The following GRIN2A variants were observed in gnomAD, a reference collection of about 807,000 sequenced individuals.
GRIN2A encodes glutamate receptor ionotropic, NMDA 2A.
Under a neutral mutation model 113.4 loss-of-function variants are expected in GRIN2A, and 22 were observed. The observed-to-expected ratio is 0.19, with a 90% CI of 0.14 to 0.28. GRIN2A has a LOEUF of 0.28. Ranked by LOEUF, GRIN2A falls within the 10% of genes least tolerant of loss-of-function variation. The pLI is 1.00. For missense variants in GRIN2A, 1,502 were observed against 1,887.0 expected, an observed-to-expected ratio of 0.80 and a Z score of 3.78; for synonymous variants, 827 against 738.4, an observed-to-expected ratio of 1.12 and a Z score of -1.94.
intron 2 of GRIN2A, among the ~76,000 whole-genome samples, chr16:10,054,380 T>C (rs2047410395): frequency 6.6e-6 from 1 of 152,192 alleles, no homozygotes. Context: ...TAAGCAAAAA[T>C]GAACAGGACT....
At chr16:10,015,908 T>C (rs1400414423) in intron 2 of GRIN2A, among the ~76,000 whole-genome samples, 2 of 151,832 alleles carry the variant, frequency 1.3e-5, no homozygotes, top group African/African-American at 4.8e-5. Context: ...GGTGGGAGGA[T>C]CACCTGAGGT....
At chr16:9,875,555 T>C (rs13337070) in intron 4 of GRIN2A, among the ~76,000 whole-genome samples, 52,284 of 151,936 alleles carry the variant, frequency 0.34, 10,142 homozygotes, top group African/African-American at 0.54. Context: ...GGACAGATGT[T>C]ATTCCTGTCT....
At chr16:9,960,537 C>T (rs547660846) in intron 2 of GRIN2A, among the ~76,000 whole-genome samples, 5 of 152,294 alleles carry the variant, frequency 3.3e-5, no homozygotes, top group Non-Finnish European at 7.4e-5. Flanking sequence ...GTAGGGAGAG[C>T]ATATGCTGTG....
At chr16:10,138,445 G>A (rs1249000258) in intron 2 of GRIN2A, among the ~76,000 whole-genome samples, 5 of 152,188 alleles carry the variant, frequency 3.3e-5, no homozygotes, top group African/African-American at 1.2e-4. Flanking sequence ...ACAGCGGAAG[G>A]ATGGGGATGG....
intron 2 of GRIN2A, among the ~76,000 whole-genome samples, chr16:9,944,428 C>T (rs564467035): frequency 2.4e-4 from 36 of 152,286 alleles, no homozygotes; most frequent in South Asian, 2.1e-3. Flanking sequence ...CTCCCTCCCC[C>T]TTCCTCTGTC....
rs116482852 is a variant in GRIN2A, at chr16:10,086,559, A to G, written c.414+93439T>C. ...CTCAGAAGCTGCTGTAAAATTACAG[A>G]GGAGCCCCAGGAGAAGCTGCACCAT... On this transcript the variant is annotated intron_variant, in intron 2 of 12. Coordinates refer to ENST00000330684, the MANE Select transcript of GRIN2A (RefSeq NM_001134407.3). Among the ~76,000 whole-genome samples the G allele has an allele frequency of 4.5e-3, 657 of 147,292 alleles. 2 individuals carry two copies. The highest frequency in any genetic ancestry group is 0.014 in the African/African-American group (560 of 40,172).
chr16:9,985,600 G>C (rs1388794679), intron 2 of GRIN2A, among the ~76,000 whole-genome samples: 1 of 151,788 alleles, frequency 6.6e-6, no homozygotes, highest in African/African-American at 2.4e-5. Context: ...AGAAAGCCAA[G>C]CTTCATATTC....
At chr16:9,808,716 G>T (rs1167437765) in intron 10 of GRIN2A, among the ~76,000 whole-genome samples, 1 of 152,086 alleles carries the variant, frequency 6.6e-6, no homozygotes, top group Non-Finnish European at 1.5e-5. Flanking sequence ...GCACCAAGAG[G>T]CCACTCAGAA....
At chr16:10,112,695 G>A in intron 2 of GRIN2A, 1 of 750,386 alleles carries the variant, frequency 1.3e-6, no homozygotes, top group Non-Finnish European at 2.5e-6. Context: ...GGTGAATATT[G>A]TGCAGGGTGT....
In GRIN2A at chr16:9,972,802, C is replaced by G. The variant is rs540517085; in HGVS notation, c.415-34251G>C. Among the ~76,000 whole-genome samples, 13 of 152,196 alleles carry G rather than the reference C, an allele frequency of 8.5e-5. No homozygotes were observed. The South Asian group carries it at 2.7e-3, about 32-fold the overall frequency. On this transcript the variant is annotated intron_variant, in intron 2 of 12. Transcript: ENST00000330684. ...CACCTTGCCACTGTCTAGACAGAGC[C>G]GATTTATCAAGACAGGGGAATTGCA... is the stretch of plus-strand genomic sequence containing the variant.
At chr16:10,020,831 C>A (rs140156684) in intron 2 of GRIN2A, among the ~76,000 whole-genome samples, 1 of 152,230 alleles carries the variant, frequency 6.6e-6, no homozygotes, top group East Asian at 1.9e-4. Flanking sequence ...TACTCCCCTG[C>A]CAGGTTTAGC....
chr16:9,770,379 G>T (rs1264315605), intron 11 of GRIN2A, among the ~76,000 whole-genome samples: 2 of 151,988 alleles, frequency 1.3e-5, no homozygotes, highest in Non-Finnish European at 2.9e-5. Context: ...ATTTAATATT[G>T]GTCTTTTTTT....
chr16:10,134,310 C>T (rs2049142496), intron 2 of GRIN2A, among the ~76,000 whole-genome samples: 1 of 152,120 alleles, frequency 6.6e-6, no homozygotes, highest in African/African-American at 2.4e-5. Flanking sequence ...AGGCTCTACC[C>T]TCTGAGTAAC....
At chr16:10,080,628 T>C (rs2047960690) in intron 2 of GRIN2A, among the ~76,000 whole-genome samples, 1 of 152,152 alleles carries the variant, frequency 6.6e-6, no homozygotes, top group African/African-American at 2.4e-5. Flanking sequence ...GCAGCAGCTA[T>C]TTATCAGGGT....
At chr16:10,078,973 A>G (rs953635983) in intron 2 of GRIN2A, among the ~76,000 whole-genome samples, 12 of 152,352 alleles carry the variant, frequency 7.9e-5, no homozygotes, top group East Asian at 1.9e-4. Flanking sequence ...CATGACAGTG[A>G]CAACAATAAC....
chr16:10,063,547 T>C (rs1036378307), intron 2 of GRIN2A, among the ~76,000 whole-genome samples: 5 of 152,168 alleles, frequency 3.3e-5, no homozygotes, highest in African/African-American at 1.2e-4. Context: ...AATAAAATTC[T>C]TACTTAAGCC....
At chr16:10,086,592 G>C (rs1424616846) in intron 2 of GRIN2A, among the ~76,000 whole-genome samples, 5 of 146,372 alleles carry the variant, frequency 3.4e-5, no homozygotes, top group Non-Finnish European at 7.5e-5. Flanking sequence ...CATACCAGGG[G>C]GTGGAGCAGC....
intron 11 of GRIN2A, among the ~76,000 whole-genome samples, chr16:9,795,040 G>A (rs1369989386): frequency 3.3e-5 from 5 of 151,972 alleles, no homozygotes; most frequent in African/African-American, 9.7e-5. Context: ...GACGGTGATG[G>A]TGGTGGTGAT....
At chr16:9,839,278 T>C (rs947789710) in intron 7 of GRIN2A, among the ~76,000 whole-genome samples, 2 of 152,170 alleles carry the variant, frequency 1.3e-5, no homozygotes, top group Non-Finnish European at 2.9e-5. Flanking sequence ...AATAATGCTT[T>C]ACTATGTTCC....
Sources: gnomAD v4.1 joint callset for allele counts (sites outside exome capture counted in the v4.1 genomes callset) on GRCh38, gnomAD v4.1.1 for gene constraint, MANE v1.5 for transcripts, NCBI Gene and HGNC (gene_info 2026-07-23, HGNC 2026-07-21) for gene names.